CSMD1: variants seen among roughly 807,000 people sequenced by gnomAD.
CSMD1 encodes CUB and Sushi multiple domains 1.
Under a neutral mutation model 417.5 loss-of-function variants are expected in CSMD1, and 213 were observed. The observed-to-expected ratio is 0.51, with a 90% confidence interval of 0.46 to 0.57. CSMD1 has a LOEUF of 0.57. Among genes scored for constraint, CSMD1 ranks in the 20% least tolerant of loss-of-function variants. The pLI is 0.00. For missense variants in CSMD1, 6,923 were observed against 4,529.7 expected (o/e 1.53, Z -15.17); for synonymous variants, 2,862 against 1,736.8 (o/e 1.65, Z -16.11).
At chr8:3,311,513 G>T (rs558794872) in intron 23 of CSMD1, among the ~76,000 whole-genome samples, 38 of 149,182 alleles carry the variant, frequency 2.5e-4, no homozygotes, top group African/African-American at 9.6e-4. Flanking sequence ...GTCTCCGAAA[G>T]TGCTGGAATT....
intron 2 of CSMD1, among the ~76,000 whole-genome samples, chr8:4,452,707 A>AC (rs1296435857): frequency 1.3e-5 from 2 of 152,200 alleles, no homozygotes; most frequent in Non-Finnish European, 2.9e-5. Context: ...ACTCTCAATT[A>AC]CATTTAAATC....
chr8:3,249,281 G>T, intron 26 of CSMD1, among the ~76,000 whole-genome samples: 1 of 152,052 alleles, frequency 6.6e-6, no homozygotes, highest in East Asian at 1.9e-4. Context: ...GAGTGCAGCG[G>T]CGTGATCTCA....
chr8:3,376,865 C>T (rs1039670532), intron 18 of CSMD1, among the ~76,000 whole-genome samples: 3 of 151,836 alleles, frequency 2.0e-5, no homozygotes, highest in Admixed American at 1.3e-4. Context: ...TTTTGTTGCA[C>T]GAAAAACCCA....
chr8:3,013,486 C>A (rs1263015964), intron 52 of CSMD1, among the ~76,000 whole-genome samples: 1 of 152,200 alleles, frequency 6.6e-6, no homozygotes, highest in Non-Finnish European at 1.5e-5. Context: ...TGTGGTGCCT[C>A]ACGCCTGTAA....
intron 5 of CSMD1, among the ~76,000 whole-genome samples, chr8:3,803,288 C>T (rs1344507820): frequency 3.3e-5 from 5 of 152,100 alleles, no homozygotes; most frequent in East Asian, 1.9e-4. Flanking sequence ...ATAAAGTTGA[C>T]GGTTTAGCAG....
chr8:4,976,141 C>T (rs140982785), intron 1 of CSMD1, among the ~76,000 whole-genome samples: 25 of 152,256 alleles, frequency 1.6e-4, no homozygotes, highest in Admixed American at 1.6e-3. Context: ...GAAGAACAGA[C>T]ACTGGAGAAT....
chr8:3,745,836 T>C (rs986226352), intron 6 of CSMD1, among the ~76,000 whole-genome samples: 1 of 152,216 alleles, frequency 6.6e-6, no homozygotes, highest in African/African-American at 2.4e-5. Context: ...TCCCTACAGC[T>C]GTGAATAATC....
chr8:3,292,914 C>A (rs1278746839), intron 25 of CSMD1, among the ~76,000 whole-genome samples: 8 of 151,692 alleles, frequency 5.3e-5, no homozygotes, highest in Admixed American at 5.3e-4. Flanking sequence ...GCAGTTTCTT[C>A]CTAGTCTCGA....
chr8:3,284,502 GC>G, intron 25 of CSMD1, 156 bp from the exon 26 acceptor site: 1 of 629,578 alleles, frequency 1.6e-6, no homozygotes, highest in East Asian at 2.8e-5. Context: ...GGAAAATGAG[GC>G]TCACCGAAGA....
chr8:4,203,505 G>A (rs1039489004), intron 3 of CSMD1, among the ~76,000 whole-genome samples: 10 of 152,090 alleles, frequency 6.6e-5, no homozygotes, highest in Admixed American at 2.6e-4. Flanking sequence ...ATGAGCAAAC[G>A]GAAGACTTTC....
chr8:4,136,247 T>C (rs191891297), intron 3 of CSMD1, among the ~76,000 whole-genome samples: 9 of 152,292 alleles, frequency 5.9e-5, no homozygotes, highest in African/African-American at 2.2e-4. Flanking sequence ...GAACCAGACT[T>C]GACAGATTGT....
intron 5 of CSMD1, among the ~76,000 whole-genome samples, chr8:3,914,612 C>T (rs1038336113): frequency 1.3e-5 from 2 of 152,134 alleles, no homozygotes; most frequent in African/African-American, 4.8e-5. Flanking sequence ...TACCAGCTAG[C>T]ATTAAATGAA....
At chr8:3,524,186 C>G (rs1438915016) in intron 10 of CSMD1, among the ~76,000 whole-genome samples, 1 of 151,440 alleles carries the variant, frequency 6.6e-6, no homozygotes, top group Non-Finnish European at 1.5e-5. Context: ...CATGCACATA[C>G]TCACATATGC....
chr8:4,198,013 G>C (rs948178688), intron 3 of CSMD1, among the ~76,000 whole-genome samples: 1 of 152,234 alleles, frequency 6.6e-6, no homozygotes, highest in African/African-American at 2.4e-5. Flanking sequence ...TTCCTTAAGA[G>C]TTGGGGGCAC....
chr8:4,011,929 C>T (rs1294621850), intron 4 of CSMD1, among the ~76,000 whole-genome samples: 1 of 151,946 alleles, frequency 6.6e-6, no homozygotes. Context: ...ACACATCTTC[C>T]CATATACTTT....
chr8:3,522,770 C>T (rs1028229890), intron 10 of CSMD1, among the ~76,000 whole-genome samples: 1 of 151,700 alleles, frequency 6.6e-6, no homozygotes, highest in Non-Finnish European at 1.5e-5. Context: ...TACCACAATG[C>T]CCAGGGAACC....
intron 52 of CSMD1, among the ~76,000 whole-genome samples, chr8:3,017,268 T>C (rs17079067): frequency 0.036 from 5,494 of 152,274 alleles, 135 homozygotes; most frequent in African/African-American, 0.074. Flanking sequence ...AGCTTGTCCA[T>C]ATCAAAGCTG....
intron 1 of CSMD1, among the ~76,000 whole-genome samples, chr8:4,721,132 G>A (rs1000477968): frequency 8.5e-5 from 13 of 152,098 alleles, no homozygotes; most frequent in African/African-American, 2.7e-4. Context: ...AATGCAACTC[G>A]GCAATAAAGT....
rs1798131743 is a variant in CSMD1, at chr8:4,177,741, A to AG, written c.416-145643dup. On this transcript the variant is annotated intron_variant, in intron 3 of 69. Transcript: ENST00000635120. ...AAATAGATGCAATAAAAAATGATAA[A>AG]GGGGATATCACCACCGATCCCACTG... 2.6e-5 allele frequency among the ~76,000 whole-genome samples: 4 copies of AG among 151,074 alleles called. No homozygotes were observed. The South Asian group carries it at 8.5e-4, about 32-fold the overall frequency.
Sources: allele counts gnomAD v4.1 joint callset (sites outside exome capture counted in the v4.1 genomes callset), GRCh38; gene constraint gnomAD v4.1.1; transcripts MANE v1.5; gene names NCBI Gene and HGNC (gene_info 2026-07-23, HGNC 2026-07-21).